Variants in WWOX observed in about 807,000 individuals in gnomAD.
The protein encoded by WWOX is WW domain containing oxidoreductase, also known as WW domain-containing oxidoreductase.
In WWOX, 69 loss-of-function variants were observed where a neutral mutation model predicts 46.2. That is an observed-to-expected ratio of 1.49 (90% CI 1.23 to 1.82). WWOX has a LOEUF of 1.82. WWOX is among the 40% of genes most tolerant of loss of function. WWOX has a pLI of 0.00. For missense variants in WWOX, 919 were observed against 542.6 expected (o/e 1.69, Z -6.89); for synonymous variants, 359 against 202.6 (o/e 1.77, Z -6.56).
chr16:79,211,684 A>G lies in WWOX; in HGVS notation c.1133A>G (p.Asn378Ser), dbSNP rs201901491. 6.2e-6 allele frequency: 10 copies of G among 1,614,166 alleles called. No homozygotes were observed. Among genetic ancestry groups the G allele is most frequent in the Non-Finnish European group, 7.6e-6 (9 of 1,180,032 alleles). The change falls in exon 9 of 9, where the codon AAC becomes AGC. Residue 378 changes from asparagine (N) to serine (S), a missense_variant. Asn to Ser is a conservative substitution (Grantham distance 46). Transcript: ENST00000566780. ...LEGLGGMYFN[N>S]CCRCMPSPEA... ...GGTCTGGGAGGGATGTACTTCAACA[A>G]CTGCTGCCGCTGCATGCCCTCACCA...
In WWOX at chr16:78,752,382, G is replaced by C. The variant is rs191357102; in HGVS notation, c.1056+319630G>C. Among the ~76,000 whole-genome samples, 288 of 152,300 alleles carry C rather than the reference G, an allele frequency of 1.9e-3. 1 individual carries two copies. Among genetic ancestry groups the C allele is most frequent in the African/African-American group, 6.4e-3 (264 of 41,564 alleles). On this transcript the variant is annotated intron_variant, in intron 8 of 8. Coordinates refer to ENST00000566780, the MANE Select transcript of WWOX (RefSeq NM_016373.4). ...AGCTTACTGCAACCTCTGCCTCCTG[G>C]GTTCAAGCGATTCTTCTGCCTCAGC... is the stretch of plus-strand genomic sequence containing the variant.
At position 78,422,786 on chromosome 16, in the gene WWOX, CACACACACATATATAT is replaced by C. The variant is rs1370521556; in HGVS notation, c.606-2050_606-2035del. Among the ~76,000 whole-genome samples the C allele has an allele frequency of 7.1e-4, 73 of 102,484 alleles. 1 individual carries two copies. In the East Asian group the frequency reaches 8.2e-3, roughly 12 times the overall value. The allele number at this position is 102,484 out of a possible 152,430, so 67.2% of individuals were successfully genotyped here. On this transcript the variant is annotated intron_variant, in intron 6 of 8. Coordinates refer to ENST00000566780, the MANE Select transcript of WWOX (RefSeq NM_016373.4). ...ATATATATACACACATATATATATA[CACACACACATATATAT>C]ACACACACATATATATACACACACA...
chr16:78,574,105 G>C (rs2044786995), intron 8 of WWOX, among the ~76,000 whole-genome samples: 1 of 152,180 alleles, frequency 6.6e-6, no homozygotes, highest in African/African-American at 2.4e-5. Flanking sequence ...CTGTTGGCTG[G>C]AGGTACCCCT....
At chr16:78,242,051 T>C (rs1213627193) in intron 5 of WWOX, among the ~76,000 whole-genome samples, 1 of 152,202 alleles carries the variant, frequency 6.6e-6, no homozygotes, top group African/African-American at 2.4e-5. Flanking sequence ...GCTCTCCTAA[T>C]AGAGTCTTGG....
At chr16:78,782,225 T>C (rs1043144770) in intron 8 of WWOX, among the ~76,000 whole-genome samples, 4 of 152,172 alleles carry the variant, frequency 2.6e-5, no homozygotes, top group African/African-American at 9.7e-5. Flanking sequence ...TTGACCCCAC[T>C]GGACTTCTCT....
intron 8 of WWOX, among the ~76,000 whole-genome samples, chr16:78,797,569 C>G (rs116502717): frequency 2.0e-5 from 3 of 152,114 alleles, no homozygotes; most frequent in Admixed American, 2.0e-4. Context: ...CTTTTTCAAC[C>G]TGGGGCTTTA....
chr16:78,899,794 T>C (rs1008163831), intron 8 of WWOX: 2 of 152,208 alleles, frequency 1.3e-5, no homozygotes, highest in African/African-American at 4.8e-5. Flanking sequence ...AAATCTTTTA[T>C]ATTTGTGTTG....
chr16:79,165,729 G>A lies in WWOX; in HGVS notation c.1057-45879G>A, dbSNP rs374391571. On this transcript the variant is annotated intron_variant, in intron 8 of 8. Transcript: ENST00000566780. ...TGACTCTGTCCTGTTTACTCTGTCA[G>A]GGTGAAAAGCACAGGCCAAGCTCGG... 2.0e-5 allele frequency among the ~76,000 whole-genome samples: 3 copies of A among 152,144 alleles called. No individual in the cohort carries two copies. In the South Asian group the frequency reaches 6.2e-4, roughly 32 times the overall value.
At chr16:78,905,852 G>A (rs569100163) in intron 8 of WWOX, among the ~76,000 whole-genome samples, 1 of 152,126 alleles carries the variant, frequency 6.6e-6, no homozygotes, top group African/African-American at 2.4e-5. Context: ...CATCAAACAC[G>A]TTTCCACCCC....
At chr16:79,008,325 C>T (rs2047231247) in intron 8 of WWOX, among the ~76,000 whole-genome samples, 1 of 152,148 alleles carries the variant, frequency 6.6e-6, no homozygotes, top group African/African-American at 2.4e-5. Context: ...CTTTTAAGGG[C>T]CTAGCGATTA....
intron 8 of WWOX, among the ~76,000 whole-genome samples, chr16:79,200,796 C>T (rs370547713): frequency 1.3e-5 from 2 of 152,108 alleles, no homozygotes; most frequent in South Asian, 4.1e-4. Flanking sequence ...GATATTGTAC[C>T]TGGGCTCAGT....
intron 8 of WWOX, among the ~76,000 whole-genome samples, chr16:78,634,373 A>G (rs1362824987): frequency 6.6e-6 from 1 of 152,150 alleles, no homozygotes; most frequent in East Asian, 1.9e-4. Flanking sequence ...TTCAGGCACC[A>G]AAAATGCTGT....
intron 8 of WWOX, among the ~76,000 whole-genome samples, chr16:78,821,459 G>A (rs1055257492): frequency 1.3e-5 from 2 of 152,144 alleles, no homozygotes; most frequent in Admixed American, 1.3e-4. Flanking sequence ...ATGAGTTTCA[G>A]GATTGCAAAA....
chr16:78,676,973 A>G (rs933279157), intron 8 of WWOX, among the ~76,000 whole-genome samples: 2 of 152,102 alleles, frequency 1.3e-5, no homozygotes, highest in African/African-American at 2.4e-5. Context: ...CCTCTGGACT[A>G]TTTTGCCAAA....
intron 8 of WWOX, among the ~76,000 whole-genome samples, chr16:78,672,625 C>T (rs761472220): frequency 2.0e-5 from 3 of 152,194 alleles, no homozygotes; most frequent in Non-Finnish European, 4.4e-5. Context: ...AGAACCAGAT[C>T]TTACCATTTG....
chr16:78,771,671 C>G (rs1465901028), intron 8 of WWOX, among the ~76,000 whole-genome samples: 1 of 151,978 alleles, frequency 6.6e-6, no homozygotes, highest in Non-Finnish European at 1.5e-5. Flanking sequence ...ATTTGGAAGG[C>G]TGAAGCAGGA....
chr16:78,709,734 A>AT (rs11371557), intron 8 of WWOX, among the ~76,000 whole-genome samples: 78,659 of 143,848 alleles, frequency 0.55, 21,208 homozygotes, highest in Admixed American at 0.6. Flanking sequence ...AACAGTAAGC[A>AT]TTTTTTTTTT....
At chr16:78,671,703 G>A (rs924167152) in intron 8 of WWOX, among the ~76,000 whole-genome samples, 3 of 152,170 alleles carry the variant, frequency 2.0e-5, no homozygotes, top group African/African-American at 7.2e-5. Context: ...CTGATTCAGA[G>A]TAAGTGACCA....
At chr16:78,755,630 C>G (rs903143184) in intron 8 of WWOX, among the ~76,000 whole-genome samples, 6 of 152,158 alleles carry the variant, frequency 3.9e-5, no homozygotes. Context: ...GATTTGTCAC[C>G]TGGAGGAACA....
Sources: allele counts gnomAD v4.1 joint callset (sites outside exome capture counted in the v4.1 genomes callset), GRCh38; gene constraint gnomAD v4.1.1; transcripts MANE v1.5; gene names NCBI Gene and HGNC (gene_info 2026-07-23, HGNC 2026-07-21).